UVRAG: variants seen among roughly 807,000 people sequenced by gnomAD.
UVRAG encodes UV radiation resistance-associated gene protein.
A neutral mutation model predicts 78.0 loss-of-function variants in UVRAG; 19 were observed. That is an observed-to-expected ratio of 0.24 (90% CI 0.17 to 0.36). The LOEUF is 0.36. Ranked by LOEUF, UVRAG falls within the 10% of genes least tolerant of loss-of-function variation. The pLI, the probability that UVRAG is intolerant of heterozygous loss-of-function variation, is 1.00. For synonymous variants in UVRAG, 323 were observed against 324.6 expected (o/e 1.00, Z 0.05); for missense variants, 740 against 853.8 (o/e 0.87, Z 1.66).
In UVRAG at chr11:75,920,952, A is replaced by G. The variant is rs573735429; in HGVS notation, c.593+8913A>G. Among the ~76,000 whole-genome samples the G allele has an allele frequency of 1.3e-4, 20 of 152,300 alleles. No homozygotes were observed. In the South Asian group the frequency reaches 3.7e-3, roughly 28 times the overall value. ...ATCATATTTATTCAGCCACTACCCT[A>G]TTGATAGGCATTTAATATAATATTT... On this transcript the variant is annotated intron_variant, in intron 6 of 14. Coordinates refer to ENST00000356136, the MANE Select transcript of UVRAG (RefSeq NM_003369.4).
chr11:75,833,416 G>A (rs1251049975), intron 1 of UVRAG, among the ~76,000 whole-genome samples: 1 of 151,734 alleles, frequency 6.6e-6, no homozygotes, highest in Non-Finnish European at 1.5e-5. Context: ...AATTTTATGT[G>A]AATCATTTAA....
chr11:76,106,093 G>A (rs1046748241), intron 13 of UVRAG, among the ~76,000 whole-genome samples: 4 of 152,102 alleles, frequency 2.6e-5, no homozygotes, highest in African/African-American at 9.7e-5. Context: ...AAACAACCCA[G>A]ATGTCCCTCA....
At chr11:76,008,954 C>A (rs748867361) in intron 11 of UVRAG, 87 bp downstream of exon 11, 11 of 783,568 alleles carry the variant, frequency 1.4e-5, no homozygotes, top group Non-Finnish European at 2.0e-5. Context: ...AGCACTTTAT[C>A]CAAAGGAATT....
intron 5 of UVRAG, chr11:75,892,521 A>C (rs1160548131): frequency 1.7e-6 from 1 of 585,650 alleles, no homozygotes; most frequent in Non-Finnish European, 2.2e-6. Context: ...TAGAAGAGGA[A>C]GTTGGCACAG....
rs866880521 is a variant in UVRAG, at chr11:75,879,915, C to T, written c.307C>T (p.Pro103Ser). The T allele has an allele frequency of 6.2e-7, 1 of 1,614,024 alleles. No individual in the cohort carries two copies. Among genetic ancestry groups the T allele is most frequent in the Non-Finnish European group, 8.5e-7 (1 of 1,179,942 alleles). ...GCGAAGTCTCGATTTTGGAATTATG[C>T]CAGACCGTCTTGATACATCTGTGTC... ...TWRSLDFGIM[P>S]DRLDTSVSCF... The change falls in exon 4 of 15, where the codon CCA becomes TCA. Residue 103 changes from proline (P) to serine (S), a missense_variant. Pro to Ser is a moderately conservative substitution (Grantham distance 74). Transcript: ENST00000356136.
chr11:76,036,734 T>TAA (rs533006435), intron 12 of UVRAG, among the ~76,000 whole-genome samples: 268 of 142,908 alleles, frequency 1.9e-3, no homozygotes, highest in African/African-American at 6.6e-3. Flanking sequence ...GTGGCTGAGT[T>TAA]AAAAAAAAAA....
chr11:76,113,462 G>T (rs1952119647), intron 13 of UVRAG, among the ~76,000 whole-genome samples: 1 of 152,172 alleles, frequency 6.6e-6, no homozygotes, highest in Admixed American at 6.5e-5. Context: ...ATATTATTCA[G>T]AAATATGAGG....
chr11:75,818,084 CAAAA>C lies in UVRAG; in HGVS notation c.117+2563_117+2566del, dbSNP rs1378061040. On this transcript the variant is annotated intron_variant, in intron 1 of 14. Coordinates refer to ENST00000356136, the MANE Select transcript of UVRAG (RefSeq NM_003369.4). ...AAAAACAAACAAACAAACAAACAAA[CAAAA>C]AACCCCCCAAAAACCCCAAAATTAT... Among the ~76,000 whole-genome samples the C allele has an allele frequency of 2.0e-5, 3 of 148,684 alleles. No individual in the cohort carries two copies. The East Asian group carries it at 5.8e-4, about 29-fold the overall frequency.
intron 12 of UVRAG, among the ~76,000 whole-genome samples, chr11:76,018,643 A>G (rs1314874725): frequency 6.6e-6 from 1 of 152,134 alleles, no homozygotes; most frequent in Non-Finnish European, 1.5e-5. Context: ...TCTTGACCTC[A>G]TGATCCACCC....
At chr11:75,857,543 G>GCAGT (rs1946319649) in intron 2 of UVRAG, among the ~76,000 whole-genome samples, 5 of 150,322 alleles carry the variant, frequency 3.3e-5, no homozygotes, top group Admixed American at 3.3e-4. Flanking sequence ...AGGCTGGAGT[G>GCAGT]CAGTGGTGCA....
At chr11:75,875,425 A>G (rs1463408173) in intron 3 of UVRAG, among the ~76,000 whole-genome samples, 1 of 140,382 alleles carries the variant, frequency 7.1e-6, no homozygotes, top group African/African-American at 2.6e-5. Context: ...ATATGGTTTT[A>G]TTTATCTTGC....
intron 13 of UVRAG, among the ~76,000 whole-genome samples, chr11:76,066,501 C>G (rs1184343914): frequency 6.6e-6 from 1 of 151,856 alleles, no homozygotes; most frequent in Non-Finnish European, 1.5e-5. Flanking sequence ...GAGATGGAGT[C>G]TTGCTGTGTC....
At chr11:76,107,733 C>T (rs1211448135) in intron 13 of UVRAG, among the ~76,000 whole-genome samples, 6 of 151,462 alleles carry the variant, frequency 4.0e-5, no homozygotes, top group Admixed American at 1.3e-4. Flanking sequence ...AGCTTTTCCA[C>T]GTCTTGAAAG....
chr11:76,127,005 G>A (rs1212926035), intron 14 of UVRAG, among the ~76,000 whole-genome samples: 1 of 152,128 alleles, frequency 6.6e-6, no homozygotes, highest in Non-Finnish European at 1.5e-5. Flanking sequence ...CCTCTGATGA[G>A]TCTTCCCACT....
chr11:75,944,823 A>G (rs2135147290), intron 6 of UVRAG, among the ~76,000 whole-genome samples: 1 of 152,094 alleles, frequency 6.6e-6, no homozygotes, highest in East Asian at 1.9e-4. Context: ...TGAAAAGAAT[A>G]TAGTCTTATA....
intron 12 of UVRAG, among the ~76,000 whole-genome samples, chr11:76,028,872 T>C (rs1355926453): frequency 6.6e-6 from 1 of 152,140 alleles, no homozygotes; most frequent in Non-Finnish European, 1.5e-5. Flanking sequence ...CTAAGAGTAT[T>C]GATGCAGGTG....
chr11:75,834,497 A>G (rs1486773556), intron 1 of UVRAG, among the ~76,000 whole-genome samples: 1 of 152,130 alleles, frequency 6.6e-6, no homozygotes, highest in Admixed American at 6.6e-5. Context: ...CTTGCAACTA[A>G]TAGTCTATAG....
intron 14 of UVRAG, among the ~76,000 whole-genome samples, chr11:76,127,270 A>G (rs1304823283): frequency 1.3e-5 from 2 of 150,880 alleles, no homozygotes; most frequent in African/African-American, 5.0e-5. Flanking sequence ...GTTGGATGGT[A>G]ACATAAGTAC....
chr11:75,828,731 G>GTGTATATA (rs1555069621), intron 1 of UVRAG, among the ~76,000 whole-genome samples: 7 of 110,802 alleles, frequency 6.3e-5, no homozygotes, highest in African/African-American at 2.6e-4. Context: ...ATGTGTGTGT[G>GTGTATATA]TATATATATA....
Sources: allele counts gnomAD v4.1 joint callset (sites outside exome capture counted in the v4.1 genomes callset), GRCh38; gene constraint gnomAD v4.1.1; transcripts MANE v1.5; gene names NCBI Gene and HGNC (gene_info 2026-07-23, HGNC 2026-07-21).